TBC1D15: variants seen among roughly 807,000 people sequenced by gnomAD.
TBC1D15 encodes the protein GAP for RAB7.
In TBC1D15, 39 loss-of-function variants were observed where a neutral mutation model predicts 95.4. The ratio of observed to expected loss-of-function variants is 0.41; its 90% CI spans 0.32 to 0.53. TBC1D15 has a LOEUF of 0.53. Ranked by LOEUF, TBC1D15 falls within the 20% of genes least tolerant of loss-of-function variation. The pLI, the probability that TBC1D15 is intolerant of heterozygous loss-of-function variation, is 0.29. For synonymous variants in TBC1D15, 258 were observed against 261.3 expected, an observed-to-expected ratio of 0.99 and a Z score of 0.12; for missense variants, 733 against 794.3, an observed-to-expected ratio of 0.92 and a Z score of 0.93.
chr12:71,862,725 C>T (rs1051938720), intron 1 of TBC1D15, among the ~76,000 whole-genome samples: 6 of 151,984 alleles, frequency 3.9e-5, no homozygotes, highest in Admixed American at 3.3e-4. Flanking sequence ...TCCTTTTTTG[C>T]TCTCATAGTT....
At chr12:71,844,661 G>T (rs1053918770) in intron 1 of TBC1D15, among the ~76,000 whole-genome samples, 2 of 152,186 alleles carry the variant, frequency 1.3e-5, no homozygotes, top group Non-Finnish European at 2.9e-5. Flanking sequence ...GATTGTAACT[G>T]CTGTGGAGGC....
At chr12:71,893,420 G>A (rs2138674736) in intron 6 of TBC1D15, 96 bp downstream of exon 6, 4 of 675,158 alleles carry the variant, frequency 5.9e-6, no homozygotes, top group Admixed American at 6.4e-5. Context: ...AATGAGACAG[G>A]TACATATATA....
chr12:71,896,175 GTT>G (rs202051621), intron 8 of TBC1D15, 100 bp downstream of exon 8: 7,544 of 793,080 alleles, frequency 9.5e-3, no homozygotes, highest in South Asian at 0.015. Context: ...TTTGTTGTTG[GTT>G]TTTTTTTTTT....
At chr12:71,898,815 G>A (rs540029002) in intron 10 of TBC1D15, among the ~76,000 whole-genome samples, 16 of 152,204 alleles carry the variant, frequency 1.1e-4, no homozygotes, top group Admixed American at 8.5e-4. Flanking sequence ...AAAGCCCAAC[G>A]TAACAGGCTG....
rs1894923206 is a variant in TBC1D15, at chr12:71,880,536, T to A, written c.272T>A (p.Leu91Gln). 2 of 1,613,510 alleles carry A rather than the reference T, an allele frequency of 1.2e-6. No homozygotes were observed. Among genetic ancestry groups the A allele is most frequent in the African/African-American group, 2.7e-5 (2 of 75,036 alleles). The change falls in exon 4 of 17, where the codon CTG (leucine) becomes CAG (glutamine). Residue 91 changes from leucine to glutamine, a missense_variant. Transcript: ENST00000485960. ...KERGHRGSEH[L>Q]NSYEAEWDMV... ...AGAGGTCATCGAGGATCAGAACATCTGAACAGTTACGAAGCAGAATGGGAC... is the reference window on the plus strand; with the variant it reads ...AGAGGTCATCGAGGATCAGAACATCAGAACAGTTACGAAGCAGAATGGGAC...
chr12:71,914,713 G>A (rs1436647546), intron 12 of TBC1D15, among the ~76,000 whole-genome samples: 2 of 152,004 alleles, frequency 1.3e-5, no homozygotes, highest in Non-Finnish European at 2.9e-5. Flanking sequence ...TATTGAAATG[G>A]CTGGCTTGCT....
chr12:71,891,650 T>G (rs1379200351), intron 5 of TBC1D15, among the ~76,000 whole-genome samples: 1 of 152,152 alleles, frequency 6.6e-6, no homozygotes, highest in Middle Eastern at 3.2e-3. Flanking sequence ...CTTTAATTTC[T>G]TCATATCTTC....
At chr12:71,841,805 G>A (rs1451663329) in intron 1 of TBC1D15, among the ~76,000 whole-genome samples, 1 of 151,990 alleles carries the variant, frequency 6.6e-6, no homozygotes, top group East Asian at 1.9e-4. Context: ...ATAATCTCTT[G>A]ATTTAAAAAG....
Position 71,893,001 on chromosome 12 carries a change from A to G in TBC1D15, c.555-221A>G, listed in dbSNP as rs943413409. Among the ~76,000 whole-genome samples the G allele has an allele frequency of 3.3e-5, 5 of 151,888 alleles. 1 individual carries two copies. Among genetic ancestry groups the G allele is most frequent in the Admixed American group, 3.3e-4 (5 of 15,244 alleles). On this transcript the variant is annotated intron_variant, in intron 5 of 16. Transcript: ENST00000485960. ...TATATTTGTTTTATTTACGTTATAT[A>G]CAGTGTATTTAGTATTTGTTAATTT...
intron 1 of TBC1D15, among the ~76,000 whole-genome samples, chr12:71,858,664 C>T (rs1369372063): frequency 6.6e-6 from 1 of 150,994 alleles, no homozygotes; most frequent in Non-Finnish European, 1.5e-5. Context: ...AGGCAGTTCT[C>T]CTACCTCAGC....
At chr12:71,870,281 A>G (rs1022122336) in intron 1 of TBC1D15, among the ~76,000 whole-genome samples, 2 of 152,152 alleles carry the variant, frequency 1.3e-5, no homozygotes, top group Admixed American at 6.5e-5. Context: ...AACATTATAA[A>G]TAATACTGCT....
intron 1 of TBC1D15, among the ~76,000 whole-genome samples, chr12:71,850,677 G>A (rs538363101): frequency 8.5e-5 from 13 of 152,236 alleles, no homozygotes; most frequent in Middle Eastern, 6.8e-3. Flanking sequence ...CTCTGTATTA[G>A]TTTTCACATT....
chr12:71,844,599 C>G (rs1885857080), intron 1 of TBC1D15, among the ~76,000 whole-genome samples: 1 of 152,168 alleles, frequency 6.6e-6, no homozygotes, highest in Non-Finnish European at 1.5e-5. Context: ...GCTGTGGCAG[C>G]CTGTTGGTAC....
Position 71,873,033 on chromosome 12 carries a change from G to A in TBC1D15, c.204+30G>A, listed in dbSNP as rs373268873. ...TTAAGAAAAAAATGTGTTACTAAGG[G>A]AATGCCATTTAAAAAATAACAGTAT... On this transcript the variant is annotated intron_variant, in intron 3 of 16. Coordinates refer to ENST00000485960, the MANE Select transcript of TBC1D15 (RefSeq NM_001146213.3). 3.0e-5 allele frequency: 43 copies of A among 1,445,518 alleles called. No individual in the cohort carries two copies. The Middle Eastern group carries it at 1.6e-3, about 54-fold the overall frequency. 89.5% of individuals were successfully genotyped at this position (1,445,518 alleles called of 1,614,324 possible). A position where few individuals can be genotyped will look rare whatever the true frequency, so the allele number is the denominator to read the frequency against.
intron 14 of TBC1D15, among the ~76,000 whole-genome samples, chr12:71,920,366 G>C (rs968387171): frequency 6.6e-6 from 1 of 152,128 alleles, no homozygotes; most frequent in Non-Finnish European, 1.5e-5. Flanking sequence ...TCAGATCGAA[G>C]TGAGAAACTG....
chr12:71,923,319 A>G lies in TBC1D15; in HGVS notation c.*115A>G. On this transcript the variant is annotated 3_prime_UTR_variant, in exon 17 of 17. Transcript: ENST00000485960. Reference sequence around the variant, plus strand: ...TCATGCTTTAAGGTTTATGTAAAGAAAGTGTACTGATGTTCTTACATTAAA... The same window carrying G: ...TCATGCTTTAAGGTTTATGTAAAGAGAGTGTACTGATGTTCTTACATTAAA... 1.1e-6 allele frequency: 1 copy of G among 882,558 alleles called. No individual in the cohort carries two copies. The highest frequency in any genetic ancestry group is 1.8e-6 in the Non-Finnish European group (1 of 570,050). The allele number at this position is 882,558 out of a possible 1,614,324, so 54.7% of individuals were successfully genotyped here.
At chr12:71,843,557 A>C (rs1197704321) in intron 1 of TBC1D15, among the ~76,000 whole-genome samples, 2 of 152,132 alleles carry the variant, frequency 1.3e-5, no homozygotes, top group Admixed American at 6.6e-5. Context: ...TTTTTCTGGC[A>C]TTCTTTAGTT....
At chr12:71,869,558 G>A (rs1418046734) in intron 1 of TBC1D15, among the ~76,000 whole-genome samples, 3 of 151,734 alleles carry the variant, frequency 2.0e-5, no homozygotes, top group African/African-American at 4.8e-5. Context: ...CAAAACTCAA[G>A]TACAGAGAAT....
At chr12:71,856,213 C>A (rs1889026808) in intron 1 of TBC1D15, among the ~76,000 whole-genome samples, 1 of 152,014 alleles carries the variant, frequency 6.6e-6, no homozygotes, top group Admixed American at 6.6e-5. Context: ...ATAATTTGTT[C>A]CCTTGTAAAA....
Sources: allele counts gnomAD v4.1 joint callset (sites outside exome capture counted in the v4.1 genomes callset), GRCh38; gene constraint gnomAD v4.1.1; transcripts MANE v1.5; gene names NCBI Gene and HGNC (gene_info 2026-07-23, HGNC 2026-07-21).